MCF2L: variants seen among roughly 807,000 people sequenced by gnomAD.
MCF2L encodes the protein MCF.2 cell line derived transforming sequence like, also known as guanine nucleotide exchange factor DBS.
In MCF2L, 97 loss-of-function variants were observed where a neutral mutation model predicts 153.4. The ratio of observed to expected loss-of-function variants is 0.63; its 90% CI spans 0.54 to 0.75. The LOEUF is 0.75. Ranked by LOEUF, MCF2L falls within the 30% of genes least tolerant of loss-of-function variation. The pLI, the probability that MCF2L is intolerant of heterozygous loss-of-function variation, is 0.00. For missense variants in MCF2L, 1,347 were observed against 1,495.2 expected (o/e 0.90, Z 1.64); for synonymous variants, 659 against 632.2 (o/e 1.04, Z -0.64).
In MCF2L at chr13:112,932,097, G is replaced by A. The variant is rs1457598401; in HGVS notation, c.169+29726G>A. Among the ~76,000 whole-genome samples the A allele has an allele frequency of 1.3e-5, 2 of 152,178 alleles. No individual in the cohort carries two copies. Among genetic ancestry groups the A allele is most frequent in the African/African-American group, 4.8e-5 (2 of 41,416 alleles). ...CTGAGTGTGGGATGTGCGCAGCTAT[G>A]TGGTTCCGAAGAGTTCAAGACGAAA... On this transcript the variant is annotated intron_variant, in intron 2 of 29. Coordinates refer to the MCF2L transcript ENST00000375608. This position sits in a 1 kb window ranked among gnomAD's most constrained non-coding sequence, Gnocchi z 4.6.
intron 2 of MCF2L, among the ~76,000 whole-genome samples, chr13:112,916,129 A>G (rs1489876946): frequency 3.4e-5 from 5 of 148,292 alleles, no homozygotes; most frequent in African/African-American, 2.6e-5. Context: ...AATGGCGTGA[A>G]CCTGGGAGGC....
At chr13:113,052,538 TGCATC>T (rs1425415344) in intron 4 of MCF2L, 1 of 166,842 alleles carries the variant, frequency 6.0e-6, no homozygotes, top group Non-Finnish European at 1.5e-5. Flanking sequence ...TCAGAACCCC[TGCATC>T]CCGGTGGCTC....
At chr13:112,981,818 G>A (rs566153058) in intron 1 of MCF2L, among the ~76,000 whole-genome samples, 1 of 152,380 alleles carries the variant, frequency 6.6e-6, no homozygotes, top group East Asian at 1.9e-4. Flanking sequence ...ACCTGGCATG[G>A]ACGCCTGGGG....
Position 113,085,115 on chromosome 13 carries a change from G to A in MCF2L, c.2184G>A (p.Leu728=). ...QECQRKLDHK[L]SLDSYLLKPV... ...GCCAGAGAAAGCTGGACCACAAGCT[G>A]AGCCTGGACTCCTACCTGCTGAAGC... The change falls in exon 20 of 30, where the codon CTG becomes CTA. Residue 728 remains leucine, a synonymous_variant. Coordinates refer to ENST00000535094, the MANE Select transcript of MCF2L (RefSeq NM_001112732.3). 1.9e-6 allele frequency: 3 copies of A among 1,613,748 alleles called. No individual in the cohort carries two copies. Among genetic ancestry groups the A allele is most frequent in the Non-Finnish European group, 2.5e-6 (3 of 1,180,028 alleles).
In MCF2L at chr13:113,098,610, T is replaced by C. The variant is rs1476119825; in HGVS notation, c.*1751T>C. The C allele has an allele frequency of 6.6e-6, 1 of 152,304 alleles. No homozygotes were observed. Among genetic ancestry groups the C allele is most frequent in the Admixed American group, 6.5e-5 (1 of 15,292 alleles). The allele number at this position is 152,304 out of a possible 1,614,324, so 9.4% of individuals were successfully genotyped here. A position where few individuals can be genotyped will look rare whatever the true frequency, so the allele number is the denominator to read the frequency against. On this transcript the variant is annotated 3_prime_UTR_variant, in exon 30 of 30. Coordinates refer to ENST00000535094, the MANE Select transcript of MCF2L (RefSeq NM_001112732.3). Reference sequence around the variant, plus strand: ...GCAGTCGGGGTTTCCAGGGCCGCAGTGCACTGTGCTTGCACATGGTAAGTC... The same window carrying C: ...GCAGTCGGGGTTTCCAGGGCCGCAGCGCACTGTGCTTGCACATGGTAAGTC...
At chr13:113,086,011 C>T in intron 20 of MCF2L, 113 bp from the exon 21 acceptor site, 2 of 1,176,342 alleles carry the variant, frequency 1.7e-6, no homozygotes, top group East Asian at 2.8e-5. Flanking sequence ...TCCCCACAGA[C>T]CAGGGGAGGG....
intron 1 of MCF2L, among the ~76,000 whole-genome samples, chr13:112,975,667 C>T (rs1250024519): frequency 6.6e-6 from 1 of 152,214 alleles, no homozygotes; most frequent in Non-Finnish European, 1.5e-5. Context: ...GAGCCGCTGC[C>T]GTGGTCATCC....
chr13:113,044,720 C>T (rs2086697853), intron 3 of MCF2L: 2 of 1,612,780 alleles, frequency 1.2e-6, no homozygotes, highest in South Asian at 1.1e-5. Context: ...TGGTCTCTGT[C>T]ACAGATGTGG....
intron 4 of MCF2L, among the ~76,000 whole-genome samples, chr13:113,047,916 G>A (rs983398039): frequency 6.6e-6 from 1 of 152,190 alleles, no homozygotes; most frequent in African/African-American, 2.4e-5. Flanking sequence ...CGGCCCCTCC[G>A]CTGACGCCTC....
In MCF2L at chr13:113,065,016, G is replaced by A. The variant is rs1479206570; in HGVS notation, c.687G>A (p.Glu229=). Residue 229 remains glutamate, a synonymous_variant, in exon 7 of 30, where the codon GAG becomes GAA. Transcript: ENST00000535094. ...TCGGGACCGAGCTGGCTGAAACAGA[G>A]CTGCCCAATGACGTCCAGTCGACAA... ...QSFGTELAET[E]LPNDVQSTSS... 6.2e-7 allele frequency: 1 copy of A among 1,612,956 alleles called. No individual in the cohort carries two copies. Among genetic ancestry groups the A allele is most frequent in the Non-Finnish European group, 8.5e-7 (1 of 1,179,994 alleles).
chr13:112,906,475 C>A (rs1339067477), intron 2 of MCF2L, among the ~76,000 whole-genome samples: 1 of 152,236 alleles, frequency 6.6e-6, no homozygotes. Context: ...GGAACATGCA[C>A]ACACGCATAT....
Position 113,054,686 on chromosome 13 carries a change from T to C in MCF2L, c.370-5907T>C, listed in dbSNP as rs953791506. 6.6e-6 allele frequency: 1 copy of C among 152,226 alleles called. No individual in the cohort carries two copies. Among genetic ancestry groups the C allele is most frequent in the African/African-American group, 2.4e-5 (1 of 41,460 alleles). 9.4% of individuals were successfully genotyped at this position (152,226 alleles called of 1,614,324 possible). On this transcript the variant is annotated intron_variant, in intron 4 of 29. Coordinates refer to ENST00000535094, the MANE Select transcript of MCF2L (RefSeq NM_001112732.3). This position sits in a 1 kb window ranked among gnomAD's most constrained non-coding sequence, Gnocchi z 5.2. ...AGACCTTAAGGAAGGTGATTTGAAC[T>C]TGGGGAGGGTTTTTCAAACAGGGTT... is the stretch of plus-strand genomic sequence containing the variant.
At chr13:113,038,636 G>A (rs1055523756) in intron 3 of MCF2L, among the ~76,000 whole-genome samples, 2 of 152,136 alleles carry the variant, frequency 1.3e-5, no homozygotes, top group Admixed American at 6.5e-5. Context: ...CTTTATTTAG[G>A]TGTGAACATT....
chr13:113,065,996 C>G, intron 7 of MCF2L, 50 bp from the exon 8 acceptor site: 1 of 1,590,444 alleles, frequency 6.3e-7, no homozygotes, highest in Non-Finnish European at 8.6e-7. Context: ...CACCAGCCTG[C>G]GCTGTGTGCC....
At chr13:113,037,866 C>T (rs1390636075) in intron 3 of MCF2L, among the ~76,000 whole-genome samples, 1 of 152,178 alleles carries the variant, frequency 6.6e-6, no homozygotes, top group Non-Finnish European at 1.5e-5. Context: ...AGGATTGAAA[C>T]AGTAAGAAAC....
At chr13:113,030,546 C>T (rs531071064) in intron 3 of MCF2L, among the ~76,000 whole-genome samples, 5 of 148,826 alleles carry the variant, frequency 3.4e-5, no homozygotes, top group Non-Finnish European at 7.4e-5. Flanking sequence ...CGGGTGTCCA[C>T]CGACGCAGAT....
intron 2 of MCF2L, chr13:112,909,991 T>A (rs550171738): frequency 2.0e-5 from 3 of 152,224 alleles, no homozygotes; most frequent in African/African-American, 7.2e-5. Context: ...TCCTGAGAAA[T>A]CACCAAGAAG....
In MCF2L at chr13:113,045,335, G is replaced by A. The variant is rs773087124; in HGVS notation, c.343G>A (p.Val115Met). 60 of 1,614,048 alleles carry A rather than the reference G, an allele frequency of 3.7e-5. 1 individual carries two copies. The East Asian group carries it at 5.1e-4, about 14-fold the overall frequency. The change falls in exon 4 of 30, where the codon GTG becomes ATG. Residue 115 changes from valine to methionine, a missense_variant. By Grantham distance (21) the Val-to-Met change is conservative. Around this residue, in one of 3 missense-constraint regions of MCF2L, gnomAD observed 820 missense variants for 921.2 expected, o/e 0.89. Coordinates refer to ENST00000535094, the MANE Select transcript of MCF2L (RefSeq NM_001112732.3). This position sits in a 1 kb window ranked among gnomAD's most constrained non-coding sequence, Gnocchi z 4.2. ...IDRRRDKWTS[V>M]KASVLRIAAS... ...CCGGCGACGGGACAAATGGACCTCC[G>A]TGAAGGCGTCCGTCCTGCGCATCGC...
Position 112,904,069 on chromosome 13 carries a change from C to T in MCF2L, c.169+1698C>T, listed in dbSNP as rs1360383187. Among the ~76,000 whole-genome samples, 2 of 152,086 alleles carry T rather than the reference C, an allele frequency of 1.3e-5. No individual in the cohort carries two copies. Among genetic ancestry groups the T allele is most frequent in the African/African-American group, 4.8e-5 (2 of 41,412 alleles). On this transcript the variant is annotated intron_variant, in intron 2 of 29. Transcript: ENST00000375608. This position sits in a 1 kb window ranked among gnomAD's most constrained non-coding sequence, Gnocchi z 4.2. ...GCCACTCAGAACCTCGGACTGGTGC[C>T]TTTCCCTGAGCGCCCAAGTCTCGCG...
Sources: gnomAD v4.1 joint callset for allele counts (sites outside exome capture counted in the v4.1 genomes callset) on GRCh38, gnomAD v4.1.1 for gene constraint, gnomAD v4.1.1 regional missense constraint, Gnocchi (gnomAD v3.1) non-coding constraint, MANE v1.5 for transcripts, NCBI Gene and HGNC (gene_info 2026-07-23, HGNC 2026-07-21) for gene names.